The following IGSF21 variants were observed in gnomAD, a reference collection of about 807,000 sequenced individuals.
The protein encoded by IGSF21 is immunoglobulin superfamily member 21.
Under a neutral mutation model 46.8 loss-of-function variants are expected in IGSF21, and 28 were observed. The ratio of observed to expected loss-of-function variants is 0.60; its 90% confidence interval spans 0.44 to 0.82. IGSF21 has a LOEUF of 0.82. Among genes scored for constraint, IGSF21 ranks in the 40% least tolerant of loss-of-function variants. The probability of loss-of-function intolerance (pLI) is 0.00; values close to 1 mark genes in which losing one functional copy is unlikely to be tolerated. For synonymous variants in IGSF21, 284 were observed against 273.6 expected, an observed-to-expected ratio of 1.04 and a Z score of -0.38; for missense variants, 624 against 665.5, an observed-to-expected ratio of 0.94 and a Z score of 0.69.
intron 3 of IGSF21, among the ~76,000 whole-genome samples, chr1:18,300,623 C>G (rs1050536844): frequency 2.0e-5 from 3 of 152,228 alleles, no homozygotes; most frequent in Non-Finnish European, 4.4e-5. Flanking sequence ...GTGTGGTGCA[C>G]TCATTGGCCA....
chr1:18,282,635 TACACACACACACACAC>T (rs10522294), intron 2 of IGSF21, among the ~76,000 whole-genome samples: 4 of 137,646 alleles, frequency 2.9e-5, no homozygotes, highest in East Asian at 4.4e-4. Flanking sequence ...TCCCCTTACA[TACACACACACACACAC>T]ACACACACAC....
intron 2 of IGSF21, among the ~76,000 whole-genome samples, chr1:18,266,896 C>T (rs1393600350): frequency 1.3e-5 from 2 of 152,198 alleles, no homozygotes; most frequent in African/African-American, 4.8e-5. Flanking sequence ...TGGATTCCAC[C>T]TCTGTGAGCT....
chr1:18,142,150 G>A (rs2086420780), intron 1 of IGSF21, among the ~76,000 whole-genome samples: 1 of 152,194 alleles, frequency 6.6e-6, no homozygotes, highest in African/African-American at 2.4e-5. Flanking sequence ...CCAACAGGGT[G>A]AGGAGAGAAG....
intron 3 of IGSF21, among the ~76,000 whole-genome samples, chr1:18,304,532 C>T (rs1426558493): frequency 2.0e-5 from 3 of 152,178 alleles, no homozygotes; most frequent in Admixed American, 1.3e-4. Context: ...AGCAAGCCAG[C>T]CGCAGAATCA....
chr1:18,125,937 T>C (rs1374680267), intron 1 of IGSF21, among the ~76,000 whole-genome samples: 1 of 151,896 alleles, frequency 6.6e-6, no homozygotes, highest in Non-Finnish European at 1.5e-5. Context: ...CTACAGGAAA[T>C]GTTCAGGAAA....
At position 18,182,918 on chromosome 1, in the gene IGSF21, A is replaced by G. The variant is rs1045658814; in HGVS notation, c.71-44980A>G. Among the ~76,000 whole-genome samples the G allele has an allele frequency of 1.6e-4, 24 of 152,232 alleles. 1 individual carries two copies. Among genetic ancestry groups the G allele is most frequent in the African/African-American group, 5.3e-4 (22 of 41,548 alleles). On this transcript the variant is annotated intron_variant, in intron 1 of 9. Transcript: ENST00000251296. Reference sequence around the variant, plus strand: ...GCTGCCCTCATCTCTCGTTCCCCTGATGAATCACACGAGGCCTGGTGACAC... The same window carrying G: ...GCTGCCCTCATCTCTCGTTCCCCTGGTGAATCACACGAGGCCTGGTGACAC...
intron 1 of IGSF21, among the ~76,000 whole-genome samples, chr1:18,206,777 G>T (rs757577135): frequency 6.6e-6 from 1 of 152,180 alleles, no homozygotes; most frequent in Non-Finnish European, 1.5e-5. Context: ...CAGTATGATG[G>T]GAGCTACCTA....
chr1:18,144,247 G>A (rs557561893), intron 1 of IGSF21, among the ~76,000 whole-genome samples: 3 of 152,246 alleles, frequency 2.0e-5, no homozygotes, highest in Non-Finnish European at 4.4e-5. Flanking sequence ...CCCTTCCCAG[G>A]ACAGAGCAGC....
intron 1 of IGSF21, among the ~76,000 whole-genome samples, chr1:18,198,786 C>G (rs2087036077): frequency 1.3e-5 from 2 of 152,158 alleles, no homozygotes; most frequent in Admixed American, 6.5e-5. Flanking sequence ...CTGTCACCAC[C>G]CCCCTGGCCC....
chr1:18,195,624 A>G (rs1320225446), intron 1 of IGSF21, among the ~76,000 whole-genome samples: 1 of 152,026 alleles, frequency 6.6e-6, no homozygotes, highest in African/African-American at 2.4e-5. Flanking sequence ...TTCTCTTTGC[A>G]CCTGGCGTTC....
chr1:18,344,705 G>T (rs935979825), intron 4 of IGSF21, among the ~76,000 whole-genome samples: 4 of 152,162 alleles, frequency 2.6e-5, no homozygotes, highest in Non-Finnish European at 1.5e-5. Context: ...GAGGGAGGCT[G>T]CCAGTCTGAG....
intron 4 of IGSF21, among the ~76,000 whole-genome samples, chr1:18,344,120 C>G (rs1276234090): frequency 6.6e-6 from 1 of 152,206 alleles, no homozygotes; most frequent in Non-Finnish European, 1.5e-5. Context: ...GAATCCCAGC[C>G]TGGCACTCCC....
At chr1:18,302,126 T>C (rs223157) in intron 3 of IGSF21, among the ~76,000 whole-genome samples, 152,014 of 152,018 alleles carry the variant, frequency 1, 76,005 homozygotes, top group Middle Eastern at 1. Context: ...CTCTCCTTCT[T>C]CAGGGGCTGC....
intron 2 of IGSF21, among the ~76,000 whole-genome samples, chr1:18,256,275 A>G (rs2084891689): frequency 6.6e-6 from 1 of 152,192 alleles, no homozygotes; most frequent in Non-Finnish European, 1.5e-5. Context: ...ATGCTTCTGC[A>G]CTGAGACGCA....
At chr1:18,125,751 C>T (rs977562506) in intron 1 of IGSF21, among the ~76,000 whole-genome samples, 1 of 152,158 alleles carries the variant, frequency 6.6e-6, no homozygotes, top group African/African-American at 2.4e-5. Flanking sequence ...CTAACACATA[C>T]GTGAACAGAT....
At chr1:18,376,759 G>T in intron 7 of IGSF21, 41 bp from the exon 8 acceptor site, 1 of 1,539,854 alleles carries the variant, frequency 6.5e-7, no homozygotes. Context: ...TGGCAGAATG[G>T]GCCCTCCTGT....
At chr1:18,325,603 A>G (rs1360444595) in intron 3 of IGSF21, among the ~76,000 whole-genome samples, 1 of 152,058 alleles carries the variant, frequency 6.6e-6, no homozygotes, top group Non-Finnish European at 1.5e-5. Context: ...GCTATTTTTG[A>G]TTCATTGAGA....
chr1:18,212,294 A>C (rs550324804), intron 1 of IGSF21, among the ~76,000 whole-genome samples: 1 of 152,352 alleles, frequency 6.6e-6, no homozygotes, highest in South Asian at 2.1e-4. Flanking sequence ...TCAGGGTTGC[A>C]AGGCTAGCTT....
chr1:18,138,657 G>A (rs934360989), intron 1 of IGSF21, among the ~76,000 whole-genome samples: 4 of 152,176 alleles, frequency 2.6e-5, no homozygotes, highest in African/African-American at 9.7e-5. Context: ...CTGGGGTACT[G>A]ATCCTCTAAC....
Sources: allele counts gnomAD v4.1 joint callset (sites outside exome capture counted in the v4.1 genomes callset), GRCh38; gene constraint gnomAD v4.1.1; transcripts MANE v1.5; gene names NCBI Gene and HGNC (gene_info 2026-07-23, HGNC 2026-07-21).